Variants in RASGRP3 observed in about 807,000 individuals in gnomAD.
RASGRP3 encodes the protein RAS guanyl releasing protein 3.
A neutral mutation model predicts 82.7 loss-of-function variants in RASGRP3; 54 were observed. That is an observed-to-expected ratio of 0.65 (90% confidence interval 0.52 to 0.82). The LOEUF is 0.82. Among genes scored for constraint, RASGRP3 ranks in the 40% least tolerant of loss-of-function variants. RASGRP3 has a pLI of 0.00. For missense variants in RASGRP3, 861 were observed against 828.9 expected (o/e 1.04, Z -0.48); for synonymous variants, 309 against 300.5 (o/e 1.03, Z -0.29).
intron 17 of RASGRP3, chr2:33,559,493 G>C (rs1358659123): frequency 2.5e-6 from 1 of 393,432 alleles, no homozygotes; most frequent in East Asian, 6.5e-5. Flanking sequence ...TGGAAAAGGG[G>C]GTGGTGAGAA....
intron 1 of RASGRP3, among the ~76,000 whole-genome samples, chr2:33,441,067 T>A (rs1199296673): frequency 6.6e-6 from 1 of 151,944 alleles, no homozygotes; most frequent in Non-Finnish European, 1.5e-5. Context: ...AATTTTTGTA[T>A]TTTTTAGTAG....
At chr2:33,524,571 C>T (rs761710818) in intron 9 of RASGRP3, 23 bp downstream of exon 9, 15 of 1,495,764 alleles carry the variant, frequency 1.0e-5, no homozygotes, top group Middle Eastern at 1.7e-4. Flanking sequence ...TGATCCTAAT[C>T]AAAAGTAAAA....
intron 15 of RASGRP3, among the ~76,000 whole-genome samples, chr2:33,557,637 G>A (rs1461130041): frequency 2.0e-5 from 3 of 151,770 alleles, no homozygotes; most frequent in East Asian, 1.9e-4. Flanking sequence ...GTGAACCCGG[G>A]AGGCGGAGCT....
intron 1 of RASGRP3, among the ~76,000 whole-genome samples, chr2:33,506,824 T>C (rs1670422367): frequency 6.6e-6 from 1 of 152,224 alleles, no homozygotes; most frequent in South Asian, 2.1e-4. Context: ...ATTTTAGTCT[T>C]CGTGTCATCA....
chr2:33,542,186 A>G (rs1481358201), intron 12 of RASGRP3, among the ~76,000 whole-genome samples: 6 of 147,454 alleles, frequency 4.1e-5, no homozygotes, highest in African/African-American at 1.5e-4. Context: ...ATTATTAGTC[A>G]TTTAACTCAA....
chr2:33,492,663 T>C (rs1343338626), intron 1 of RASGRP3, among the ~76,000 whole-genome samples: 1 of 152,214 alleles, frequency 6.6e-6, no homozygotes, highest in East Asian at 1.9e-4. Context: ...GGTGGCCATC[T>C]GCAAGCCAGA....
chr2:33,461,588 T>C (rs1666370159), intron 2 of RASGRP3, among the ~76,000 whole-genome samples: 1 of 152,236 alleles, frequency 6.6e-6, no homozygotes, highest in Non-Finnish European at 1.5e-5. Flanking sequence ...CCTGCCACTT[T>C]TTAAAATGCG....
At chr2:33,522,156 C>T in intron 7 of RASGRP3, 54 bp downstream of exon 7, 1 of 1,547,444 alleles carries the variant, frequency 6.5e-7, no homozygotes, top group Non-Finnish European at 8.7e-7. Flanking sequence ...TGCCAACTTT[C>T]CCAAGAGCTG....
chr2:33,478,775 A>G (rs1558421717), intron 1 of RASGRP3, among the ~76,000 whole-genome samples: 1 of 152,246 alleles, frequency 6.6e-6, no homozygotes, highest in Non-Finnish European at 1.5e-5. Context: ...GTGCAGAGCC[A>G]GAAGAGAGAG....
intron 1 of RASGRP3, among the ~76,000 whole-genome samples, chr2:33,506,534 AT>A (rs762712682): frequency 6.6e-6 from 1 of 152,216 alleles, no homozygotes; most frequent in Non-Finnish European, 1.5e-5. Context: ...AACAAATGGT[AT>A]TTTTAGATGC....
intron 17 of RASGRP3, among the ~76,000 whole-genome samples, chr2:33,559,265 T>G (rs1676379641): frequency 6.6e-6 from 1 of 152,184 alleles, no homozygotes; most frequent in African/African-American, 2.4e-5. Flanking sequence ...GATCAAGTTC[T>G]GAAACCTATT....
intron 1 of RASGRP3, among the ~76,000 whole-genome samples, chr2:33,438,201 A>G (rs536016200): frequency 6.6e-6 from 1 of 152,228 alleles, no homozygotes; most frequent in East Asian, 1.9e-4. Context: ...TTATTTCAAG[A>G]ATATATTTTT....
At chr2:33,463,804 G>A (rs1335609742) in intron 2 of RASGRP3, among the ~76,000 whole-genome samples, 1 of 151,800 alleles carries the variant, frequency 6.6e-6, no homozygotes, top group Non-Finnish European at 1.5e-5. Flanking sequence ...GTTTCACCAT[G>A]TTGGCCAGGC....
chr2:33,438,062 T>C (rs1299008606), intron 1 of RASGRP3, among the ~76,000 whole-genome samples: 1 of 152,258 alleles, frequency 6.6e-6, no homozygotes, highest in Non-Finnish European at 1.5e-5. Context: ...CTGATCATGT[T>C]GAACTCATTT....
intron 1 of RASGRP3, among the ~76,000 whole-genome samples, chr2:33,436,745 A>G (rs921419774): frequency 2.0e-5 from 3 of 152,228 alleles, no homozygotes; most frequent in Non-Finnish European, 2.9e-5. Context: ...TGTAGAAATC[A>G]ACCTTGGTTA....
At chr2:33,495,105 T>C (rs1456455193) in intron 1 of RASGRP3, among the ~76,000 whole-genome samples, 1 of 152,268 alleles carries the variant, frequency 6.6e-6, no homozygotes, top group Admixed American at 6.5e-5. Context: ...ATCTGCACTT[T>C]GAAAGATCCT....
Position 33,563,986 on chromosome 2 carries a change from C to T in RASGRP3, c.*1249C>T, listed in dbSNP as rs982953320. On this transcript the variant is annotated 3_prime_UTR_variant, in exon 18 of 18. Transcript: ENST00000403687. Reference sequence around the variant, plus strand: ...AATGATCTATTACCAGGTGACTAGTCGGAAACTACACAGACGTGCACTGGT... The same window carrying T: ...AATGATCTATTACCAGGTGACTAGTTGGAAACTACACAGACGTGCACTGGT... 4 of 152,204 alleles carry T rather than the reference C, an allele frequency of 2.6e-5. No individual in the cohort carries two copies. Among genetic ancestry groups the T allele is most frequent in the African/African-American group, 4.8e-5 (2 of 41,530 alleles). 9.4% of individuals were successfully genotyped at this position (152,204 alleles called of 1,614,324 possible).
intron 2 of RASGRP3, among the ~76,000 whole-genome samples, chr2:33,452,965 C>T (rs188496987): frequency 1.3e-5 from 2 of 152,250 alleles, no homozygotes; most frequent in African/African-American, 4.8e-5. Flanking sequence ...TGAAGTGGGC[C>T]CGATGCTGTG....
upstream of RASGRP3, among the ~76,000 whole-genome samples, chr2:33,474,161 T>C (rs2150921427): frequency 6.6e-6 from 1 of 152,148 alleles, no homozygotes; most frequent in Middle Eastern, 3.4e-3. Flanking sequence ...ACTCCTGCTT[T>C]ACACTTATGA....
Sources: gnomAD v4.1 joint callset for allele counts (sites outside exome capture counted in the v4.1 genomes callset) on GRCh38, gnomAD v4.1.1 for gene constraint, MANE v1.5 for transcripts, NCBI Gene and HGNC (gene_info 2026-07-23, HGNC 2026-07-21) for gene names.